Variants in CACNA1A observed in about 807,000 individuals in gnomAD.
CACNA1A encodes the protein calcium voltage-gated channel subunit alpha1 A, also known as voltage-dependent P/Q-type calcium channel subunit alpha-1A.
Under a neutral mutation model 262.4 loss-of-function variants are expected in CACNA1A, and 57 were observed. The ratio of observed to expected loss-of-function variants is 0.22; its 90% CI spans 0.18 to 0.27. CACNA1A has a LOEUF of 0.27. Among genes scored for constraint, CACNA1A ranks in the 10% least tolerant of loss-of-function variants. The pLI is 1.00. For missense variants in CACNA1A, 2,526 were observed against 3,562.8 expected, an observed-to-expected ratio of 0.71 and a Z score of 7.41; for synonymous variants, 1,431 against 1,419.3, an observed-to-expected ratio of 1.01 and a Z score of -0.18.
chr19:13,212,689 C>T lies in CACNA1A; in HGVS notation c.5992G>A (p.Glu1998Lys), dbSNP rs1225998429. The stretch of plus-strand genomic sequence containing the variant: ...AGGGCGTTCTGGCCAGGTCCCCCTT[C>T]CTGCGTTGGGGACGGGGGCTCCATG... ...QRMEPPSPTQ[E>K]GGPGQNALPS... Residue 1998 changes from glutamate (E) to lysine (K), a missense_variant, in exon 41 of 47, where the codon GAA (glutamate) becomes AAA (lysine). This residue lies in a region of CACNA1A where 929 missense variants were observed against 868.1 expected (regional missense o/e 1.07). Transcript: ENST00000360228. This position sits in a 1 kb window ranked among gnomAD's most constrained non-coding sequence, Gnocchi z 5.6. 1 of 1,511,256 alleles carries T rather than the reference C, an allele frequency of 6.6e-7. No homozygotes were observed. Among genetic ancestry groups the T allele is most frequent in the Non-Finnish European group, 8.8e-7 (1 of 1,130,764 alleles). The allele number at this position is 1,511,256 out of a possible 1,614,324, so 93.6% of individuals were successfully genotyped here.
At chr19:13,419,482 C>T (rs138446589) in intron 3 of CACNA1A, among the ~76,000 whole-genome samples, 7 of 152,014 alleles carry the variant, frequency 4.6e-5, no homozygotes, top group African/African-American at 1.4e-4. Context: ...TTGAGACCAG[C>T]CTTTGGTAAC....
At chr19:13,479,628 C>T (rs541252106) in intron 1 of CACNA1A, among the ~76,000 whole-genome samples, 16 of 152,212 alleles carry the variant, frequency 1.1e-4, no homozygotes, top group Middle Eastern at 6.8e-3. Context: ...AAAGAAAAAA[C>T]GAAGAGAGGG....
At chr19:13,247,437 C>T (rs953891291) in intron 30 of CACNA1A, among the ~76,000 whole-genome samples, 1 of 152,086 alleles carries the variant, frequency 6.6e-6, no homozygotes, top group Admixed American at 6.6e-5. Flanking sequence ...CTCACGCCTG[C>T]AATCCCAGCA....
intron 3 of CACNA1A, among the ~76,000 whole-genome samples, chr19:13,377,409 C>T (rs1368838276): frequency 6.7e-6 from 1 of 148,898 alleles, no homozygotes; most frequent in African/African-American, 2.5e-5. Flanking sequence ...CTCACTCTGT[C>T]GCTGCAGTGG....
At chr19:13,467,644 G>T (rs537967407) in intron 1 of CACNA1A, among the ~76,000 whole-genome samples, 3 of 148,392 alleles carry the variant, frequency 2.0e-5, no homozygotes, top group Non-Finnish European at 4.4e-5. Context: ...TCAGTCTGTC[G>T]CCCAGGCTGG....
intron 6 of CACNA1A, among the ~76,000 whole-genome samples, chr19:13,348,633 C>T (rs375360631): frequency 5.3e-5 from 8 of 152,268 alleles, no homozygotes; most frequent in East Asian, 1.9e-4. Flanking sequence ...CTCAGGAGAT[C>T]GAGACCATCC....
chr19:13,328,470 T>C (rs1276884540), intron 10 of CACNA1A, among the ~76,000 whole-genome samples: 4 of 152,208 alleles, frequency 2.6e-5, no homozygotes, highest in Non-Finnish European at 4.4e-5. Context: ...ATTGGTAATA[T>C]TCGATGGCCT....
intron 3 of CACNA1A, among the ~76,000 whole-genome samples, chr19:13,406,866 G>A (rs1034300068): frequency 6.6e-6 from 1 of 151,854 alleles, no homozygotes; most frequent in Non-Finnish European, 1.5e-5. Context: ...CAAAACATGG[G>A]TTGGTTCCTG....
chr19:13,465,210 C>A (rs2061211975), intron 1 of CACNA1A, among the ~76,000 whole-genome samples: 1 of 151,874 alleles, frequency 6.6e-6, no homozygotes, highest in Non-Finnish European at 1.5e-5. Flanking sequence ...GGATTACAGG[C>A]ATGAGCCACC....
At chr19:13,490,717 GAA>G (rs1316670593) in intron 1 of CACNA1A, among the ~76,000 whole-genome samples, 2,414 of 99,180 alleles carry the variant, frequency 0.024, 143 homozygotes, top group East Asian at 0.2. Flanking sequence ...AAGAAAGAAA[GAA>G]AGAAAGAAAG....
intron 1 of CACNA1A, among the ~76,000 whole-genome samples, chr19:13,483,235 G>C (rs67564305): frequency 0.28 from 42,838 of 151,960 alleles, 10,009 homozygotes; most frequent in African/African-American, 0.62. Flanking sequence ...GATGGAAAGA[G>C]CCGGGTCCTG....
chr19:13,216,672 TATCTATCTATCTATCTATCTATCTATC>T (rs1270560763), intron 38 of CACNA1A, among the ~76,000 whole-genome samples: 1 of 5,706 alleles, frequency 1.8e-4, no homozygotes, highest in Non-Finnish European at 3.0e-4. Context: ...TCTATCTATC[TATCTATCTATCTATCTATCTATCTATC>T]ATCTATCTAT....
At chr19:13,397,749 G>A (rs8104365) in intron 3 of CACNA1A, among the ~76,000 whole-genome samples, 18,882 of 152,222 alleles carry the variant, frequency 0.12, 2,718 homozygotes, top group African/African-American at 0.34. Context: ...GTAAGCTCTA[G>A]CCAGTGGGAG....
intron 10 of CACNA1A, among the ~76,000 whole-genome samples, chr19:13,320,878 G>A (rs1015992411): frequency 2.6e-5 from 4 of 151,828 alleles, no homozygotes; most frequent in Admixed American, 1.3e-4. Context: ...ATATCAAGGT[G>A]GATTCAAAAG....
At chr19:13,381,104 G>C (rs988813366) in intron 3 of CACNA1A, among the ~76,000 whole-genome samples, 8 of 152,154 alleles carry the variant, frequency 5.3e-5, no homozygotes, top group Non-Finnish European at 1.0e-4. Context: ...TCGTAGACCT[G>C]CTGGGCACAA....
rs2058146032 is a variant in CACNA1A, at chr19:13,317,255, T to C, written c.1412A>G (p.Lys471Arg). The change falls in exon 11 of 47, where the codon AAG (lysine) becomes AGG (arginine). Residue 471 changes from lysine (K) to arginine (R), a missense_variant. Physicochemically the swap from Lys to Arg is conservative, Grantham distance 26 (BLOSUM62 2). Coordinates refer to ENST00000360228, the MANE Select transcript of CACNA1A (RefSeq NM_001127222.2). ...KLENSTFFHK[K>R]ERRMRFYIRR... ...GATGTAGAAACGCATCCTCCTCTCC[T>C]TTTTGTGAAAAAAGGTCGAGTTCTC... is the stretch of plus-strand genomic sequence containing the variant. 4.3e-6 allele frequency: 7 copies of C among 1,612,820 alleles called. 1 individual carries two copies. In the East Asian group the frequency reaches 1.6e-4, roughly 36 times the overall value.
chr19:13,365,554 A>T (rs2059194728), intron 4 of CACNA1A, 85 bp from the exon 5 acceptor site: 9 of 1,269,668 alleles, frequency 7.1e-6, no homozygotes, highest in Non-Finnish European at 9.9e-6. Context: ...TCTCTCCCAG[A>T]CAAAGCAGGT....
intron 3 of CACNA1A, among the ~76,000 whole-genome samples, chr19:13,413,643 C>A (rs1036442207): frequency 7.1e-6 from 1 of 140,798 alleles, no homozygotes; most frequent in South Asian, 2.3e-4. Context: ...CTTTGGGAGG[C>A]TGAGGTGGGA....
intron 3 of CACNA1A, among the ~76,000 whole-genome samples, chr19:13,443,840 C>T (rs918194514): frequency 1.3e-5 from 2 of 152,122 alleles, no homozygotes; most frequent in South Asian, 4.1e-4. Context: ...CTGATCCACC[C>T]CTTACCAGCT....
Sources: allele counts gnomAD v4.1 joint callset (sites outside exome capture counted in the v4.1 genomes callset), GRCh38; gene constraint gnomAD v4.1.1; regional missense constraint gnomAD v4.1.1; non-coding constraint Gnocchi (gnomAD v3.1); transcripts MANE v1.5; gene names NCBI Gene and HGNC (gene_info 2026-07-23, HGNC 2026-07-21).